The following FBXO33 variants were observed in gnomAD, a reference collection of about 807,000 sequenced individuals.
The protein encoded by FBXO33 is F-box protein 33.
In FBXO33, 22 loss-of-function variants were observed where a neutral mutation model predicts 46.3. The observed-to-expected ratio is 0.48, with a 90% CI of 0.34 to 0.68. FBXO33 has a LOEUF of 0.68. Among genes scored for constraint, FBXO33 ranks in the 30% least tolerant of loss-of-function variants. The pLI is 0.01. For synonymous variants in FBXO33, 337 were observed against 291.3 expected, an observed-to-expected ratio of 1.16 and a Z score of -1.60; for missense variants, 692 against 708.8, an observed-to-expected ratio of 0.98 and a Z score of 0.27.
At chr14:39,422,062 AC>A (rs1227100609) in intron 1 of FBXO33, among the ~76,000 whole-genome samples, 2 of 152,126 alleles carry the variant, frequency 1.3e-5, no homozygotes, top group Non-Finnish European at 2.9e-5. Context: ...GTTCGAGACC[AC>A]CCTGGGCAAC....
At chr14:39,400,880 T>A (rs1258068275) in intron 3 of FBXO33, among the ~76,000 whole-genome samples, 2 of 152,238 alleles carry the variant, frequency 1.3e-5, no homozygotes, top group East Asian at 3.8e-4. Context: ...GAAATATATC[T>A]ACCACAGGTA....
chr14:39,399,904 A>T, intron 3 of FBXO33, 117 bp from the exon 4 acceptor site: 1 of 1,166,658 alleles, frequency 8.6e-7, no homozygotes, highest in Non-Finnish European at 1.1e-6. Context: ...TATCTCACTT[A>T]CCGTTTTGGT....
chr14:39,413,391 TAC>T (rs2075432745), intron 1 of FBXO33, among the ~76,000 whole-genome samples: 1 of 152,234 alleles, frequency 6.6e-6, no homozygotes, highest in African/African-American at 2.4e-5. Flanking sequence ...TCACCACATC[TAC>T]AGTGACTTCC....
rs147416948 is a variant in FBXO33 at position 39,415,313 on chromosome 14, C to G, written c.600-12802G>C. Among the ~76,000 whole-genome samples, 6 of 152,140 alleles carry G rather than the reference C, an allele frequency of 3.9e-5. No homozygotes were observed. In the East Asian group the frequency reaches 1.2e-3, roughly 29 times the overall value. ...CACTGTTTCTAGAAAATGACGACGA[C>G]AACAACAAGAACAACAAAGATATAA... On this transcript the variant is annotated intron_variant, in intron 1 of 3. Coordinates refer to ENST00000298097, the MANE Select transcript of FBXO33 (RefSeq NM_203301.4).
intron 2 of FBXO33, among the ~76,000 whole-genome samples, chr14:39,402,155 T>C (rs1167675205): frequency 2.0e-5 from 3 of 152,238 alleles, no homozygotes; most frequent in African/African-American, 2.4e-5. Context: ...ATTTATGTTA[T>C]AGCAAAGGCA....
At chr14:39,428,366 C>T (rs991435553) in intron 1 of FBXO33, among the ~76,000 whole-genome samples, 4 of 151,314 alleles carry the variant, frequency 2.6e-5, no homozygotes, top group Non-Finnish European at 5.9e-5. Flanking sequence ...CTGCCACACC[C>T]GGCTATGTAT....
In FBXO33 at chr14:39,432,092, A is replaced by C. The variant is rs2075562933; in HGVS notation, c.71T>G (p.Val24Gly). The C allele has an allele frequency of 1.6e-6, 2 of 1,241,838 alleles. No individual in the cohort carries two copies. The highest frequency in any genetic ancestry group is 3.2e-5 in the East Asian group (1 of 31,364). 76.9% of individuals were successfully genotyped at this position (1,241,838 alleles called of 1,614,324 possible). ...GARTRAGAAR[V>G]ARWRRLRLQQ... ...CAGCCGCAGCCGCCGCCACCGCGCC[A>C]CCCGGGCGGCCCCGGCTCGGGTTCG... The change falls in exon 1 of 4, where the codon GTG becomes GGG. Residue 24 changes from valine to glycine, a missense_variant. Physicochemically the swap from Val to Gly is moderately radical, Grantham distance 109. Transcript: ENST00000298097.
At chr14:39,404,327 C>CTT (rs980359411) in intron 1 of FBXO33, among the ~76,000 whole-genome samples, 5 of 151,062 alleles carry the variant, frequency 3.3e-5, no homozygotes, top group African/African-American at 1.2e-4. Flanking sequence ...TTAAATGGAT[C>CTT]TTTTTTTTTG....
chr14:39,407,857 A>C (rs1184516694), intron 1 of FBXO33, among the ~76,000 whole-genome samples: 1 of 152,128 alleles, frequency 6.6e-6, no homozygotes, highest in East Asian at 1.9e-4. Context: ...TTTTTGATGA[A>C]TCTCCATACT....
Position 39,401,642 on chromosome 14 carries a change from T to A in FBXO33, c.930A>T (p.Ser310=). The A allele has an allele frequency of 6.2e-7, 1 of 1,614,176 alleles. No individual in the cohort carries two copies. The highest frequency in any genetic ancestry group is 8.5e-7 in the Non-Finnish European group (1 of 1,180,014). The change falls in exon 3 of 4, where the codon TCA becomes TCT. Residue 310 remains serine, a synonymous_variant. Coordinates refer to ENST00000298097, the MANE Select transcript of FBXO33 (RefSeq NM_203301.4). ...VELERFVNLH[S]LALDFCDFTA... ...TAAAGTCACAAAAATCCAAGGCAAGTGAGTGCAGATTCACAAATCGCTCCA... is the reference window on the plus strand; with the variant it reads ...TAAAGTCACAAAAATCCAAGGCAAGAGAGTGCAGATTCACAAATCGCTCCA...
chr14:39,408,916 C>T (rs1208944033), intron 1 of FBXO33, among the ~76,000 whole-genome samples: 1 of 151,904 alleles, frequency 6.6e-6, no homozygotes, highest in East Asian at 1.9e-4. Context: ...GCTGGGACTA[C>T]ACATGCATGC....
intron 1 of FBXO33, among the ~76,000 whole-genome samples, chr14:39,424,552 C>A (rs73285601): frequency 1.3e-3 from 191 of 152,282 alleles, no homozygotes; most frequent in African/African-American, 4.4e-3. Flanking sequence ...ATTTAGGGGG[C>A]AGACCAGTTT....
intron 1 of FBXO33, among the ~76,000 whole-genome samples, chr14:39,421,592 C>A (rs1321810793): frequency 7.2e-5 from 11 of 152,106 alleles, no homozygotes; most frequent in Non-Finnish European, 1.6e-4. Context: ...ATAAAAATTT[C>A]AGGTGACCAT....
At chr14:39,412,873 A>G (rs2075430232) in intron 1 of FBXO33, among the ~76,000 whole-genome samples, 1 of 152,272 alleles carries the variant, frequency 6.6e-6, no homozygotes, top group Non-Finnish European at 1.5e-5. Context: ...CCTTAGGTAA[A>G]AAACACTTTA....
At chr14:39,426,671 G>A (rs1028269117) in intron 1 of FBXO33, among the ~76,000 whole-genome samples, 1 of 152,068 alleles carries the variant, frequency 6.6e-6, no homozygotes, top group African/African-American at 2.4e-5. Flanking sequence ...TGCTCGAACA[G>A]ACCAAAAATT....
At chr14:39,406,703 T>C (rs1243160380) in intron 1 of FBXO33, among the ~76,000 whole-genome samples, 1 of 152,188 alleles carries the variant, frequency 6.6e-6, no homozygotes, top group African/African-American at 2.4e-5. Flanking sequence ...AAAGACTTCA[T>C]ATTACCCAGG....
Position 39,401,668 on chromosome 14 carries a change from G to C in FBXO33, c.904C>G (p.Leu302Val). Reference protein sequence around the residue: ...GNSTLITAVELERFVNLHSLA... With the variant: ...GNSTLITAVEVERFVNLHSLA... ...GAGTGCAGATTCACAAATCGCTCCA[G>C]TTCAACTGCAGTAATAAGAGTGCTG... Residue 302 changes from leucine (L) to valine (V), a missense_variant, in exon 3 of 4, where the codon CTG becomes GTG. By Grantham distance (32) the Leu-to-Val change is conservative. Around this residue, in one of 3 missense-constraint regions of FBXO33, gnomAD observed 186 missense variants for 246.1 expected, o/e 0.76. Coordinates refer to ENST00000298097, the MANE Select transcript of FBXO33 (RefSeq NM_203301.4). 6.2e-7 allele frequency: 1 copy of C among 1,614,226 alleles called. No homozygotes were observed. Among genetic ancestry groups the C allele is most frequent in the South Asian group, 1.1e-5 (1 of 91,088 alleles).
chr14:39,405,749 C>T (rs1054878613), intron 1 of FBXO33, among the ~76,000 whole-genome samples: 2 of 151,160 alleles, frequency 1.3e-5, no homozygotes, highest in Non-Finnish European at 3.0e-5. Flanking sequence ...TATAAAATCA[C>T]CCCACATAAG....
At chr14:39,405,192 T>A (rs892132467) in intron 1 of FBXO33, among the ~76,000 whole-genome samples, 18 of 151,410 alleles carry the variant, frequency 1.2e-4, no homozygotes, top group Non-Finnish European at 2.9e-5. Context: ...TACTGTGGCA[T>A]TAGAAGAGTC....
Sources: gnomAD v4.1 joint callset for allele counts (sites outside exome capture counted in the v4.1 genomes callset) on GRCh38, gnomAD v4.1.1 for gene constraint, gnomAD v4.1.1 regional missense constraint, MANE v1.5 for transcripts, NCBI Gene and HGNC (gene_info 2026-07-23, HGNC 2026-07-21) for gene names.